The following ANO2 variants were observed in gnomAD, a reference collection of about 807,000 sequenced individuals.
ANO2 encodes the protein anoctamin 2.
Under a neutral mutation model 124.2 loss-of-function variants are expected in ANO2, and 101 were observed. That is an observed-to-expected ratio of 0.81 (90% CI 0.69 to 0.96). The LOEUF (loss-of-function observed/expected upper bound fraction) is 0.96, where lower values mean the gene tolerates loss of function less well. Among genes scored for constraint, ANO2 ranks in the 40% least tolerant of loss-of-function variants. ANO2 has a pLI of 0.00. For missense variants in ANO2, 1,293 were observed against 1,274.5 expected (o/e 1.01, Z -0.22); for synonymous variants, 486 against 482.5 (o/e 1.01, Z -0.09).
Position 5,578,394 on chromosome 12 carries a change from C to T in ANO2, c.2358G>A (p.Arg786=). The T allele has an allele frequency of 1.2e-6, 2 of 1,613,946 alleles. No homozygotes were observed. The highest frequency in any genetic ancestry group is 8.5e-7 in the Non-Finnish European group (1 of 1,179,850). Residue 786 remains arginine (R), a synonymous_variant, in exon 21 of 25, where the codon CGG becomes CGA. Transcript: ENST00000682330. The stretch of plus-strand genomic sequence containing the variant: ...TATCTTTGGTTCTTACAGCATCCGG[C>T]CGTCTCAGCTCTGTAACAAACTTCT... ...DAKKFVTELR[R]PDAVRTKDIG...
chr12:5,737,244 C>T (rs909960477), intron 13 of ANO2, among the ~76,000 whole-genome samples: 10 of 152,218 alleles, frequency 6.6e-5, no homozygotes, highest in African/African-American at 2.4e-4. Flanking sequence ...ACACGGAGAT[C>T]CCATCCGGAA....
Position 5,600,358 on chromosome 12 carries a change from A to T in ANO2, c.2088-729T>A, listed in dbSNP as rs7133726. On this transcript the variant is annotated intron_variant, in intron 19 of 24. Transcript: ENST00000682330. ...AACCCTTTTCGACTTTGATCTTGAAACTTTCAGCCTCTAGAACTATGAGAA... is the reference window on the plus strand; with the variant it reads ...AACCCTTTTCGACTTTGATCTTGAATCTTTCAGCCTCTAGAACTATGAGAA... Among the ~76,000 whole-genome samples, 4 of 152,120 alleles carry T rather than the reference A, an allele frequency of 2.6e-5. No individual in the cohort carries two copies. In the South Asian group the frequency reaches 8.3e-4, roughly 32 times the overall value.
intron 14 of ANO2, among the ~76,000 whole-genome samples, chr12:5,672,591 GTGTGTGTGCACATGCA>G (rs758074891): frequency 0.013 from 693 of 51,408 alleles, 8 homozygotes; most frequent in East Asian, 0.044. Context: ...GTGTGTGTGT[GTGTGTGTGCACATGCA>G]TGTGTGTGTG....
chr12:5,596,528 T>A (rs766354814), intron 20 of ANO2, among the ~76,000 whole-genome samples: 3 of 152,062 alleles, frequency 2.0e-5, no homozygotes, highest in Non-Finnish European at 4.4e-5. Context: ...AGGTGTGGGG[T>A]TTGGGGTTTG....
intron 10 of ANO2, among the ~76,000 whole-genome samples, chr12:5,761,083 G>A (rs2159953): frequency 0.39 from 57,189 of 146,672 alleles, 12,661 homozygotes; most frequent in East Asian, 0.59. Flanking sequence ...AAAAAATTCC[G>A]TAGACTGTCC....
At chr12:5,743,307 C>T (rs1951163478) in intron 12 of ANO2, among the ~76,000 whole-genome samples, 4 of 152,166 alleles carry the variant, frequency 2.6e-5, no homozygotes, top group Admixed American at 2.6e-4. Flanking sequence ...ATGTGCAAAC[C>T]AAGGGCCTGC....
Position 5,833,455 on chromosome 12 carries a change from C to G in ANO2, c.634-852G>C, listed in dbSNP as rs539155633. Among the ~76,000 whole-genome samples the G allele has an allele frequency of 1.8e-4, 27 of 152,258 alleles. No individual in the cohort carries two copies. The South Asian group carries it at 4.8e-3, about 27-fold the overall frequency. ...AGAGGTAGCATCTCTGTTCCCACCCCCCTTGAATCTGCATTGGATCTGTGG... is the reference window on the plus strand; with the variant it reads ...AGAGGTAGCATCTCTGTTCCCACCCGCCTTGAATCTGCATTGGATCTGTGG... On this transcript the variant is annotated intron_variant, in intron 4 of 24. Transcript: ENST00000682330.
intron 7 of ANO2, among the ~76,000 whole-genome samples, chr12:5,825,694 A>G (rs1953933553): frequency 6.6e-6 from 1 of 152,228 alleles, no homozygotes; most frequent in Admixed American, 6.5e-5. Context: ...AGATGAAATC[A>G]GTCTACTACT....
At chr12:5,875,648 C>G (rs538945295) in intron 3 of ANO2, among the ~76,000 whole-genome samples, 1 of 152,296 alleles carries the variant, frequency 6.6e-6, no homozygotes, top group African/African-American at 2.4e-5. Context: ...TGACGGTCAC[C>G]ATCAAACACA....
chr12:5,703,000 T>A (rs1949466959), intron 14 of ANO2, among the ~76,000 whole-genome samples: 1 of 152,182 alleles, frequency 6.6e-6, no homozygotes, highest in African/African-American at 2.4e-5. Context: ...ATTCCATTCC[T>A]AGAGAAATTC....
At chr12:5,673,937 G>A (rs1189832163) in intron 14 of ANO2, among the ~76,000 whole-genome samples, 3 of 152,184 alleles carry the variant, frequency 2.0e-5, no homozygotes, top group African/African-American at 7.2e-5. Context: ...AAGGCTTGGG[G>A]AAGGAGTGAG....
chr12:5,786,710 C>T (rs558900113), intron 10 of ANO2, among the ~76,000 whole-genome samples: 4 of 152,286 alleles, frequency 2.6e-5, no homozygotes, highest in Admixed American at 2.0e-4. Context: ...GAGTTGTCTG[C>T]ATGTCTCATC....
intron 7 of ANO2, among the ~76,000 whole-genome samples, chr12:5,812,855 CAGAAGGAAGGAAGGAGAAGGAA>C (rs200281215): frequency 0.17 from 22,189 of 126,946 alleles, 2,365 homozygotes; most frequent in East Asian, 0.47. Context: ...AGGAGAAGGA[CAGAAGGAAGGAAGGAGAAGGAA>C]AGAAGGAAGG....
chr12:5,740,391 T>A, intron 12 of ANO2: 1 of 168,930 alleles, frequency 5.9e-6, no homozygotes, highest in Admixed American at 5.6e-5. Context: ...ATAAATCTCT[T>A]GTTATTTGAG....
At chr12:5,791,101 C>G (rs1363966009) in intron 10 of ANO2, among the ~76,000 whole-genome samples, 2 of 152,124 alleles carry the variant, frequency 1.3e-5, no homozygotes, top group Non-Finnish European at 2.9e-5. Context: ...TACAAGCTCC[C>G]CCACCCAACA....
intron 12 of ANO2, among the ~76,000 whole-genome samples, chr12:5,741,484 C>T (rs916720744): frequency 5.9e-5 from 9 of 152,290 alleles, no homozygotes; most frequent in Admixed American, 3.3e-4. Flanking sequence ...GTAAGTCCCT[C>T]CTCTTCCTAC....
At chr12:5,713,909 G>T (rs1331770789) in intron 14 of ANO2, among the ~76,000 whole-genome samples, 1 of 152,144 alleles carries the variant, frequency 6.6e-6, no homozygotes, top group Non-Finnish European at 1.5e-5. Flanking sequence ...TTTTTCTGGT[G>T]ATCCACCTCA....
At chr12:5,762,832 G>A (rs188451963) in intron 10 of ANO2, among the ~76,000 whole-genome samples, 161 of 151,750 alleles carry the variant, frequency 1.1e-3, no homozygotes, top group South Asian at 3.3e-3. Context: ...AAGAGATAGC[G>A]AAAATTTTTT....
intron 13 of ANO2, among the ~76,000 whole-genome samples, chr12:5,737,450 G>C (rs763792865): frequency 6.6e-6 from 1 of 152,174 alleles, no homozygotes; most frequent in Non-Finnish European, 1.5e-5. Flanking sequence ...AGATTTCAAG[G>C]GTATTGAGTT....
Sources: allele counts gnomAD v4.1 joint callset (sites outside exome capture counted in the v4.1 genomes callset), GRCh38; gene constraint gnomAD v4.1.1; transcripts MANE v1.5; gene names NCBI Gene and HGNC (gene_info 2026-07-23, HGNC 2026-07-21).